The following CNTNAP2 variants were observed in gnomAD, a reference collection of about 807,000 sequenced individuals.
CNTNAP2 encodes contactin-associated protein-like 2.
Under a neutral mutation model 155.2 loss-of-function variants are expected in CNTNAP2, and 98 were observed. The observed-to-expected ratio is 0.63, with a 90% CI of 0.54 to 0.75. The LOEUF (loss-of-function observed/expected upper bound fraction) is 0.75. Among genes scored for constraint, CNTNAP2 ranks in the 30% least tolerant of loss-of-function variants. The pLI is 0.00. For synonymous variants in CNTNAP2, 651 were observed against 631.2 expected (o/e 1.03, Z -0.47); for missense variants, 1,727 against 1,688.1 (o/e 1.02, Z -0.40).
At chr7:147,066,299 C>T (rs1799779026) in intron 4 of CNTNAP2, among the ~76,000 whole-genome samples, 1 of 152,176 alleles carries the variant, frequency 6.6e-6, no homozygotes, top group African/African-American at 2.4e-5. Flanking sequence ...ACAGCCAAGA[C>T]ATCATACGAC....
intron 9 of CNTNAP2, among the ~76,000 whole-genome samples, chr7:147,386,599 C>T (rs1211563302): frequency 2.0e-5 from 3 of 152,192 alleles, no homozygotes; most frequent in Non-Finnish European, 2.9e-5. Flanking sequence ...GCAAGTTCCT[C>T]ATCTCCATCT....
chr7:146,470,853 C>T (rs1796787593), intron 1 of CNTNAP2, among the ~76,000 whole-genome samples: 1 of 152,148 alleles, frequency 6.6e-6, no homozygotes, highest in South Asian at 2.1e-4. Context: ...CAGGCATGAA[C>T]CACCGTGCCA....
intron 10 of CNTNAP2, among the ~76,000 whole-genome samples, chr7:147,474,440 T>C (rs1798280342): frequency 1.3e-5 from 2 of 151,998 alleles, no homozygotes; most frequent in South Asian, 2.1e-4. Context: ...ACTTAAAATA[T>C]AAAAATTAGT....
intron 1 of CNTNAP2, among the ~76,000 whole-genome samples, chr7:146,645,243 C>G (rs2129162313): frequency 6.6e-6 from 1 of 152,020 alleles, no homozygotes; most frequent in South Asian, 2.1e-4. Context: ...GTGTGTATCA[C>G]AAGAAAAAAA....
chr7:147,814,175 C>A (rs975614929), intron 13 of CNTNAP2, among the ~76,000 whole-genome samples: 1 of 152,114 alleles, frequency 6.6e-6, no homozygotes, highest in Non-Finnish European at 1.5e-5. Context: ...CATTCTAGTT[C>A]TTTTATTTTC....
At chr7:147,354,109 T>G (rs926324928) in intron 9 of CNTNAP2, among the ~76,000 whole-genome samples, 2 of 152,190 alleles carry the variant, frequency 1.3e-5, no homozygotes, top group African/African-American at 4.8e-5. Context: ...GATGATAGTT[T>G]CTTTTGCTGT....
intron 1 of CNTNAP2, among the ~76,000 whole-genome samples, chr7:146,224,756 G>A (rs2693309): frequency 0.7 from 106,373 of 151,870 alleles, 38,082 homozygotes; most frequent in East Asian, 0.94. Flanking sequence ...GTGACAGAGC[G>A]AAACTCCGTC....
chr7:148,155,584 A>G (rs1805385473), intron 17 of CNTNAP2, among the ~76,000 whole-genome samples: 1 of 152,120 alleles, frequency 6.6e-6, no homozygotes, highest in Non-Finnish European at 1.5e-5. Context: ...ACAGGGTGCT[A>G]TTTTCCTTGA....
At chr7:146,656,877 A>C (rs115184737) in intron 1 of CNTNAP2, among the ~76,000 whole-genome samples, 4 of 152,210 alleles carry the variant, frequency 2.6e-5, no homozygotes, top group African/African-American at 9.6e-5. Context: ...TATTATGTCA[A>C]TCTCCTATTT....
chr7:147,609,354 A>T (rs1645860572), intron 12 of CNTNAP2, among the ~76,000 whole-genome samples: 1 of 151,964 alleles, frequency 6.6e-6, no homozygotes, highest in African/African-American at 2.4e-5. Flanking sequence ...ACATGGTGAA[A>T]CCCCGTCTCC....
intron 9 of CNTNAP2, among the ~76,000 whole-genome samples, chr7:147,389,411 T>G (rs1245648100): frequency 1.3e-5 from 2 of 152,208 alleles, no homozygotes; most frequent in Non-Finnish European, 2.9e-5. Flanking sequence ...GTCCACCGTT[T>G]GCTTTTTCTG....
At position 147,259,893 on chromosome 7, in the gene CNTNAP2, G is replaced by A. The variant is rs544269848; in HGVS notation, c.1349-40248G>A. Among the ~76,000 whole-genome samples the A allele has an allele frequency of 3.2e-4, 48 of 152,202 alleles. 1 individual carries two copies. The highest frequency in any genetic ancestry group is 1.1e-3 in the African/African-American group (46 of 41,518). On this transcript the variant is annotated intron_variant, in intron 8 of 23. Coordinates refer to ENST00000361727, the MANE Select transcript of CNTNAP2 (RefSeq NM_014141.6). The stretch of plus-strand genomic sequence containing the variant: ...ATAACATAAATTCTAGGTTATATAG[G>A]TTATCTCCCTAAATCTGAATAAAAT...
At chr7:147,712,753 G>A (rs1796418171) in intron 13 of CNTNAP2, among the ~76,000 whole-genome samples, 1 of 152,166 alleles carries the variant, frequency 6.6e-6, no homozygotes, top group South Asian at 2.1e-4. Flanking sequence ...ATGGGGTGGT[G>A]GGAGGAGGGA....
chr7:148,161,851 C>T (rs1258180626), intron 17 of CNTNAP2, among the ~76,000 whole-genome samples: 3 of 152,224 alleles, frequency 2.0e-5, no homozygotes, highest in Non-Finnish European at 4.4e-5. Context: ...TTTTCTCAGC[C>T]TCTCTGCCAA....
chr7:146,706,025 C>A (rs1800959469), intron 1 of CNTNAP2, among the ~76,000 whole-genome samples: 1 of 152,122 alleles, frequency 6.6e-6, no homozygotes, highest in Non-Finnish European at 1.5e-5. Context: ...GGCCAAATAA[C>A]TTTGTTGTGG....
At chr7:147,515,482 C>G (rs1233785714) in intron 11 of CNTNAP2, among the ~76,000 whole-genome samples, 1 of 151,870 alleles carries the variant, frequency 6.6e-6, no homozygotes, top group Non-Finnish European at 1.5e-5. Context: ...GATACCATGC[C>G]CAGCTAATTT....
In CNTNAP2 at chr7:148,209,563, C is replaced by T. The variant is rs191940287; in HGVS notation, c.3011-7725C>T. Among the ~76,000 whole-genome samples the T allele has an allele frequency of 2.6e-5, 4 of 152,204 alleles. No homozygotes were observed. The East Asian group carries it at 7.7e-4, about 29-fold the overall frequency. On this transcript the variant is annotated intron_variant, in intron 18 of 23. Coordinates refer to ENST00000361727, the MANE Select transcript of CNTNAP2 (RefSeq NM_014141.6). ...GTCTGTCTTAACACTCTTTCCTTCA[C>T]CTTTTTAATTCCTAAACATCATCAG...
chr7:146,429,417 A>C (rs1309875932), intron 1 of CNTNAP2, among the ~76,000 whole-genome samples: 1 of 152,046 alleles, frequency 6.6e-6, no homozygotes, highest in African/African-American at 2.4e-5. Context: ...AGTGGTTTAT[A>C]GTTCTCCTTG....
chr7:146,461,259 G>A (rs1207224436), intron 1 of CNTNAP2, among the ~76,000 whole-genome samples: 2 of 151,848 alleles, frequency 1.3e-5, no homozygotes, highest in African/African-American at 2.4e-5. Context: ...AAAAAAATTA[G>A]CTGGGCGTGG....
Sources: allele counts gnomAD v4.1 joint callset (sites outside exome capture counted in the v4.1 genomes callset), GRCh38; gene constraint gnomAD v4.1.1; transcripts MANE v1.5; gene names NCBI Gene and HGNC (gene_info 2026-07-23, HGNC 2026-07-21).